The following ABCB5 variants were observed in gnomAD, a reference collection of about 807,000 sequenced individuals.
The protein encoded by ABCB5 is ATP-binding cassette sub-family B member 5.
Under a neutral mutation model 144.2 loss-of-function variants are expected in ABCB5, and 155 were observed. The observed-to-expected ratio is 1.08, with a 90% CI of 0.94 to 1.23. ABCB5 has a LOEUF of 1.23. Among genes scored for constraint, ABCB5 ranks in the 50% most tolerant of loss-of-function variants. The pLI is 0.00. For synonymous variants in ABCB5, 610 were observed against 528.6 expected, an observed-to-expected ratio of 1.15 and a Z score of -2.11; for missense variants, 1,830 against 1,520.8, an observed-to-expected ratio of 1.20 and a Z score of -3.38.
At chr7:20,684,616 A>G (rs974934574) in intron 15 of ABCB5, among the ~76,000 whole-genome samples, 4 of 152,062 alleles carry the variant, frequency 2.6e-5, no homozygotes, top group African/African-American at 7.2e-5. Flanking sequence ...AATAAAAACA[A>G]AAAATAAAAA....
At chr7:20,694,480 G>A (rs1230377957) in intron 16 of ABCB5, among the ~76,000 whole-genome samples, 8 of 151,908 alleles carry the variant, frequency 5.3e-5, no homozygotes, top group Admixed American at 6.6e-5. Context: ...CTGATAAAAG[G>A]CAGCTACAAA....
chr7:20,645,324 C>T (rs1784377709), intron 7 of ABCB5, among the ~76,000 whole-genome samples: 1 of 152,188 alleles, frequency 6.6e-6, no homozygotes, highest in Non-Finnish European at 1.5e-5. Flanking sequence ...CTCACTTTAA[C>T]AGTTATCCAA....
rs558603324 is a variant in ABCB5 at position 20,645,787 on chromosome 7, G to A, written c.710G>A (p.Ser237Asn). 6.8e-6 allele frequency: 11 copies of A among 1,613,720 alleles called. No individual in the cohort carries two copies. The highest frequency in any genetic ancestry group is 9.3e-6 in the Non-Finnish European group (11 of 1,179,762). Residue 237 changes from serine to asparagine, a missense_variant, in exon 8 of 28, where the codon AGT (serine) becomes AAT (asparagine). Ser to Asn is a conservative substitution (Grantham distance 46). Transcript: ENST00000404938. ...MVISLTSKEL[S>N]AYSKAGAVAE... ...ATCTCATTGACCAGTAAGGAATTAAGTGCCTATTCCAAAGCTGGGGCTGTG... is the reference window on the plus strand; with the variant it reads ...ATCTCATTGACCAGTAAGGAATTAAATGCCTATTCCAAAGCTGGGGCTGTG...
intron 7 of ABCB5, among the ~76,000 whole-genome samples, chr7:20,645,434 G>T (rs574178572): frequency 6.6e-6 from 1 of 152,182 alleles, no homozygotes. Context: ...TCACAGCTCT[G>T]AAGGCAGTAT....
rs891349274 is a variant in ABCB5, at chr7:20,745,264, T to G, written c.3255T>G (p.Asn1085Lys). 65 of 1,613,858 alleles carry G rather than the reference T, an allele frequency of 4.0e-5. No individual in the cohort carries two copies. The highest frequency in any genetic ancestry group is 4.9e-5 in the Non-Finnish European group (58 of 1,179,886). ...ATGGTGTGGATGCAAAAGAATTGAATGTACAGTGGCTCCGTTCCCAAATAG... is the reference window on the plus strand; with the variant it reads ...ATGGTGTGGATGCAAAAGAATTGAAGGTACAGTGGCTCCGTTCCCAAATAG... The part of the protein sequence containing the change: ...LFDGVDAKEL[N>K]VQWLRSQIAI... The change falls in exon 26 of 28, where the codon AAT becomes AAG. Residue 1085 changes from asparagine (N) to lysine (K), a missense_variant. Physicochemically the swap from Asn to Lys is moderately conservative, Grantham distance 94. Coordinates refer to ENST00000404938, the MANE Select transcript of ABCB5 (RefSeq NM_001163941.2).
chr7:20,729,861 T>C (rs1231333693), intron 23 of ABCB5, among the ~76,000 whole-genome samples: 1 of 152,200 alleles, frequency 6.6e-6, no homozygotes, highest in Admixed American at 6.5e-5. Context: ...GCACTTCTCT[T>C]TGGGTTTTGT....
At chr7:20,686,434 C>T (rs546144894) in intron 16 of ABCB5, among the ~76,000 whole-genome samples, 4 of 152,292 alleles carry the variant, frequency 2.6e-5, no homozygotes, top group South Asian at 4.1e-4. Flanking sequence ...TGAAGTCTCA[C>T]TTTTCTGTCT....
At chr7:20,713,638 C>CCTGGGT (rs1198509236) in intron 20 of ABCB5, among the ~76,000 whole-genome samples, 10 of 149,568 alleles carry the variant, frequency 6.7e-5, no homozygotes, top group Admixed American at 6.7e-5. Flanking sequence ...TTGTGGAATA[C>CCTGGGT]AGTTAAGTTA....
chr7:20,691,107 A>G (rs1786207613), intron 16 of ABCB5, among the ~76,000 whole-genome samples: 1 of 150,334 alleles, frequency 6.7e-6, no homozygotes, highest in African/African-American at 2.4e-5. Flanking sequence ...ACCCAGTTTA[A>G]GGTCTGAGTA....
chr7:20,750,637 C>T (rs1189385915), intron 26 of ABCB5, among the ~76,000 whole-genome samples: 1 of 151,956 alleles, frequency 6.6e-6, no homozygotes, highest in Non-Finnish European at 1.5e-5. Flanking sequence ...ATATAGATAA[C>T]ATATCGTATA....
Position 20,740,812 on chromosome 7 carries a change from A to T in ABCB5, c.3024+1673A>T, listed in dbSNP as rs564836207. ...TCTGAATATCACTCTACGCTTTTAA[A>T]AATTAAAATCTGGGCAGGGTGTGGT... is the stretch of plus-strand genomic sequence containing the variant. On this transcript the variant is annotated intron_variant, in intron 24 of 27. Transcript: ENST00000404938. Among the ~76,000 whole-genome samples, 3 of 152,228 alleles carry T rather than the reference A, an allele frequency of 2.0e-5. No homozygotes were observed. The South Asian group carries it at 6.2e-4, about 32-fold the overall frequency.
intron 26 of ABCB5, among the ~76,000 whole-genome samples, chr7:20,751,086 C>T (rs922144284): frequency 1.3e-5 from 2 of 152,148 alleles, no homozygotes; most frequent in South Asian, 2.1e-4. Context: ...TAGGATTAGA[C>T]TCTGGTGTTC....
chr7:20,746,888 G>C (rs1207824199), intron 26 of ABCB5, among the ~76,000 whole-genome samples: 1 of 152,150 alleles, frequency 6.6e-6, no homozygotes, highest in Non-Finnish European at 1.5e-5. Flanking sequence ...TCACTTTAAA[G>C]GGAGATAGTT....
intron 20 of ABCB5, among the ~76,000 whole-genome samples, chr7:20,710,381 A>AAAAGGGGG (rs1242291728): frequency 1.8e-5 from 1 of 56,730 alleles, no homozygotes; most frequent in African/African-American, 7.7e-5. Flanking sequence ...AAAAAAAAAA[A>AAAAGGGGG]GTGGGGGGGG....
chr7:20,686,215 G>C (rs1785992676), intron 16 of ABCB5, among the ~76,000 whole-genome samples: 2 of 152,208 alleles, frequency 1.3e-5, no homozygotes, highest in African/African-American at 4.8e-5. Context: ...CCGGAATGCA[G>C]ATAGGCCCAG....
chr7:20,702,641 A>G (rs535457356), intron 19 of ABCB5, among the ~76,000 whole-genome samples: 8 of 148,336 alleles, frequency 5.4e-5, no homozygotes, highest in South Asian at 2.1e-4. Flanking sequence ...AACAATTAGT[A>G]TTACATATAA....
chr7:20,695,056 C>G (rs1786360333), intron 16 of ABCB5, among the ~76,000 whole-genome samples: 1 of 151,792 alleles, frequency 6.6e-6, no homozygotes, highest in African/African-American at 2.4e-5. Context: ...ATGCAGAAAG[C>G]CAAAATAGTC....
intron 20 of ABCB5, among the ~76,000 whole-genome samples, chr7:20,706,086 T>C (rs1323560906): frequency 6.6e-6 from 1 of 152,194 alleles, no homozygotes; most frequent in Non-Finnish European, 1.5e-5. Flanking sequence ...TTCAATTTTA[T>C]TGGCATACAT....
At chr7:20,665,252 A>T (rs1474276130) in intron 14 of ABCB5, among the ~76,000 whole-genome samples, 1 of 152,178 alleles carries the variant, frequency 6.6e-6, no homozygotes, top group African/African-American at 2.4e-5. Context: ...CGAGCAGGTG[A>T]GTCACCCATT....
Sources: allele counts gnomAD v4.1 joint callset (sites outside exome capture counted in the v4.1 genomes callset), GRCh38; gene constraint gnomAD v4.1.1; transcripts MANE v1.5; gene names NCBI Gene and HGNC (gene_info 2026-07-23, HGNC 2026-07-21).